Variants in DISC1 observed in about 807,000 individuals in gnomAD.
DISC1 encodes DISC1 scaffold protein.
In DISC1, 57 loss-of-function variants were observed where a neutral mutation model predicts 84.5. The ratio of observed to expected loss-of-function variants is 0.67; its 90% CI spans 0.55 to 0.84. DISC1 has a LOEUF of 0.84. Ranked by LOEUF, DISC1 falls within the 40% of genes least tolerant of loss-of-function variation. The pLI, the probability that DISC1 is intolerant of heterozygous loss-of-function variation, is 0.00. For synonymous variants in DISC1, 411 were observed against 415.2 expected (o/e 0.99, Z 0.12); for missense variants, 1,000 against 1,057.8 (o/e 0.95, Z 0.76).
intron 10 of DISC1, among the ~76,000 whole-genome samples, chr1:231,995,700 A>T (rs1362017988): frequency 2.0e-5 from 3 of 151,610 alleles, no homozygotes; most frequent in Non-Finnish European, 4.4e-5. Context: ...ATAGTATTCC[A>T]TGGTGTATAT....
intron 1 of DISC1, among the ~76,000 whole-genome samples, chr1:231,635,667 A>G (rs1018247177): frequency 3.3e-5 from 5 of 152,250 alleles, no homozygotes; most frequent in Non-Finnish European, 5.9e-5. Flanking sequence ...AATCCAATGC[A>G]TAGATTAACC....
At chr1:231,813,975 A>T (rs913409341) in intron 8 of DISC1, among the ~76,000 whole-genome samples, 5 of 152,148 alleles carry the variant, frequency 3.3e-5, no homozygotes, top group African/African-American at 1.2e-4. Context: ...TGAGTGTTTT[A>T]AGCAGTGAGA....
chr1:231,727,336 A>T (rs2070861569), intron 3 of DISC1, among the ~76,000 whole-genome samples: 1 of 152,096 alleles, frequency 6.6e-6, no homozygotes, highest in Non-Finnish European at 1.5e-5. Flanking sequence ...TATTCCTCAG[A>T]GGGCTTAATG....
chr1:231,951,055 T>C lies in DISC1; in HGVS notation c.1982-7773T>C, dbSNP rs192880416. 6.4e-4 allele frequency among the ~76,000 whole-genome samples: 97 copies of C among 152,304 alleles called. 1 individual carries two copies. Among genetic ancestry groups the C allele is most frequent in the East Asian group, 5.4e-3 (28 of 5,188 alleles). On this transcript the variant is annotated intron_variant, in intron 9 of 12. Coordinates refer to ENST00000439617, the MANE Select transcript of DISC1 (RefSeq NM_018662.3). The stretch of plus-strand genomic sequence containing the variant: ...GAGGCATCAACATAGTTCAGAATAA[T>C]TGATTTTACTTTTTTCATGGACAAC...
intron 9 of DISC1, among the ~76,000 whole-genome samples, chr1:231,828,857 T>C (rs527307455): frequency 3.3e-5 from 5 of 152,214 alleles, no homozygotes; most frequent in African/African-American, 7.2e-5. Flanking sequence ...AATTTATCAT[T>C]CCCAATCTAC....
chr1:231,956,306 C>T (rs1289334128), intron 9 of DISC1, among the ~76,000 whole-genome samples: 1 of 152,158 alleles, frequency 6.6e-6, no homozygotes, highest in Non-Finnish European at 1.5e-5. Flanking sequence ...GCTCCTATAT[C>T]ACATAAAACT....
intron 1 of DISC1, among the ~76,000 whole-genome samples, chr1:231,666,461 T>G (rs112529830): frequency 2.0e-4 from 31 of 152,300 alleles, no homozygotes; most frequent in African/African-American, 7.0e-4. Context: ...AACTTCTCCC[T>G]GGCGCATAAA....
In DISC1 at chr1:232,025,544, A is replaced by T. The variant is rs575073452; in HGVS notation, c.2308-891A>T. The stretch of plus-strand genomic sequence containing the variant: ...ATACTACGTGCCTGTCATGTGCCAG[A>T]TACTATGCCAGGGGCTCTAGGGATA... On this transcript the variant is annotated intron_variant, in intron 11 of 12. Transcript: ENST00000439617. Among the ~76,000 whole-genome samples, 63 of 152,078 alleles carry T rather than the reference A, an allele frequency of 4.1e-4. 2 individuals are homozygous for T. In the South Asian group the frequency reaches 5.4e-3, roughly 13 times the overall value.
At position 231,903,830 on chromosome 1, in the gene DISC1, T is replaced by C. The variant is rs12083823; in HGVS notation, c.1982-54998T>C. ...TGAGTATAATAGGAGGTTAGAAACT[T>C]GGTGATTAAGATGGGAAACCATTTC... On this transcript the variant is annotated intron_variant, in intron 9 of 12. Coordinates refer to ENST00000439617, the MANE Select transcript of DISC1 (RefSeq NM_018662.3). Among the ~76,000 whole-genome samples the C allele has an allele frequency of 5.8e-3, 879 of 152,280 alleles. 10 individuals carry two copies. The highest frequency in any genetic ancestry group is 0.02 in the African/African-American group (831 of 41,552).
chr1:231,681,701 A>AT (rs915490019), intron 1 of DISC1, among the ~76,000 whole-genome samples: 67 of 146,394 alleles, frequency 4.6e-4, no homozygotes, highest in East Asian at 9.9e-4. Flanking sequence ...ATAGACATTT[A>AT]TTTTTTTTTT....
rs1387954280 is a variant in DISC1, at chr1:231,983,605, GA to G, written c.2042+24718del. On this transcript the variant is annotated intron_variant, in intron 10 of 12. Transcript: ENST00000439617. ...AGGTAGTGGGTGGGGCAGTAGGGGA[GA>G]GGGGGTTGGGGGGTTGGGGGGAAGG... 4.2e-4 allele frequency among the ~76,000 whole-genome samples: 51 copies of G among 120,872 alleles called. 1 individual carries two copies. The highest frequency in any genetic ancestry group is 1.3e-3 in the African/African-American group (41 of 31,438). The allele number at this position is 120,872 out of a possible 152,430, so 79.3% of individuals were successfully genotyped here.
Position 232,036,934 on chromosome 1 carries a change from A to T in DISC1, c.*103A>T. 1.5e-6 allele frequency: 2 copies of T among 1,302,746 alleles called. No individual in the cohort carries two copies. Among genetic ancestry groups the T allele is most frequent in the South Asian group, 2.0e-5 (1 of 48,862 alleles). The allele number at this position is 1,302,746 out of a possible 1,614,324, so 80.7% of individuals were successfully genotyped here. A position where few individuals can be genotyped will look rare whatever the true frequency, so the allele number is the denominator to read the frequency against. Reference sequence around the variant, plus strand: ...TAAGATGCCTGAATCAATTACGGAGATACAGAGCCTTGAGGTCTTTCAGTG... The same window carrying T: ...TAAGATGCCTGAATCAATTACGGAGTTACAGAGCCTTGAGGTCTTTCAGTG... On this transcript the variant is annotated 3_prime_UTR_variant, in exon 13 of 13. Transcript: ENST00000439617.
At chr1:231,814,776 C>G (rs376076960) in intron 8 of DISC1, among the ~76,000 whole-genome samples, 1 of 152,046 alleles carries the variant, frequency 6.6e-6, no homozygotes, top group Non-Finnish European at 1.5e-5. Context: ...ACAGCCAGTA[C>G]GCAGATGGTC....
Position 231,771,054 on chromosome 1 carries a change from C to A in DISC1, c.1618C>A (p.Pro540Thr). Residue 540 changes from proline (P) to threonine (T), a missense_variant, in exon 6 of 13, where the codon CCG becomes ACG. Pro to Thr is a conservative substitution (Grantham distance 38). Transcript: ENST00000439617. Reference sequence around the variant, plus strand: ...TCAGATTCCCTTCCATGCAGAGCCACCGGAAACCATAAGGAGGTACTGCTG... The same window carrying A: ...TCAGATTCCCTTCCATGCAGAGCCAACGGAAACCATAAGGAGGTACTGCTG... Reference protein sequence around the residue: ...AGQIPFHAEPPETIRSLQERI... With the variant: ...AGQIPFHAEPTETIRSLQERI... The A allele has an allele frequency of 5.0e-6, 8 of 1,603,698 alleles. No homozygotes were observed. Among genetic ancestry groups the A allele is most frequent in the Non-Finnish European group, 6.8e-6 (8 of 1,174,492 alleles).
intron 1 of DISC1, among the ~76,000 whole-genome samples, chr1:231,676,524 A>G (rs563707555): frequency 6.6e-6 from 1 of 152,336 alleles, no homozygotes; most frequent in East Asian, 1.9e-4. Flanking sequence ...CCTGACCCAC[A>G]GTAGAGTTCT....
intron 1 of DISC1, among the ~76,000 whole-genome samples, chr1:231,641,004 A>G (rs1186001590): frequency 6.6e-6 from 1 of 152,250 alleles, no homozygotes; most frequent in East Asian, 1.9e-4. Context: ...TAGTCTGTCC[A>G]TGCTCTGGAG....
chr1:231,864,800 G>T (rs1356789403), intron 9 of DISC1, among the ~76,000 whole-genome samples: 1 of 152,138 alleles, frequency 6.6e-6, no homozygotes, highest in Non-Finnish European at 1.5e-5. Context: ...CTTGTATATT[G>T]TTCCTTCCAA....
At chr1:231,959,479 C>T (rs1162815543) in intron 10 of DISC1, 2 of 985,434 alleles carry the variant, frequency 2.0e-6, no homozygotes, top group Non-Finnish European at 2.4e-6. Context: ...ATTAAGGCAA[C>T]AAGTACTAGA....
chr1:231,800,089 G>A lies in DISC1; in HGVS notation c.1690-19G>A. 1 of 1,578,204 alleles carries A rather than the reference G, an allele frequency of 6.3e-7. No homozygotes were observed. Among genetic ancestry groups the A allele is most frequent in the Non-Finnish European group, 8.7e-7 (1 of 1,150,596 alleles). On this transcript the variant is annotated intron_variant, in intron 7 of 12. Transcript: ENST00000439617. ...TTAGCTGAATAAATGATGATTCCTG[G>A]TCATTTCTCTCCCCCTAGGTGTGTA...
Sources: allele counts gnomAD v4.1 joint callset (sites outside exome capture counted in the v4.1 genomes callset), GRCh38; gene constraint gnomAD v4.1.1; transcripts MANE v1.5; gene names NCBI Gene and HGNC (gene_info 2026-07-23, HGNC 2026-07-21).